Variants in EFCAB7 observed in about 807,000 individuals in gnomAD.
EFCAB7 encodes the protein EF-hand calcium-binding domain-containing protein 7.
Under a neutral mutation model 77.1 loss-of-function variants are expected in EFCAB7, and 66 were observed. The observed-to-expected ratio is 0.86, with a 90% CI of 0.70 to 1.05. EFCAB7 has a LOEUF of 1.05. EFCAB7 is among the 50% of genes least tolerant of loss of function. The probability of loss-of-function intolerance (pLI) is 0.00; values close to 1 mark genes in which losing one functional copy is unlikely to be tolerated. For synonymous variants in EFCAB7, 225 were observed against 243.3 expected, an observed-to-expected ratio of 0.92 and a Z score of 0.70; for missense variants, 638 against 730.5, an observed-to-expected ratio of 0.87 and a Z score of 1.46.
intron 8 of EFCAB7, 92 bp from the exon 9 acceptor site, chr1:63,555,266 G>T: frequency 7.5e-7 from 1 of 1,339,516 alleles, no homozygotes; most frequent in Non-Finnish European, 1.0e-6. Flanking sequence ...CATTTCTAAT[G>T]TGTCCCTTTC....
At chr1:63,567,303 C>T (rs752919069) in intron 11 of EFCAB7, among the ~76,000 whole-genome samples, 1 of 151,904 alleles carries the variant, frequency 6.6e-6, no homozygotes, top group Non-Finnish European at 1.5e-5. Context: ...AAATACAAAA[C>T]TTAGCTGGGT....
intron 11 of EFCAB7, among the ~76,000 whole-genome samples, chr1:63,564,347 G>T (rs1647145173): frequency 6.6e-6 from 1 of 152,258 alleles, no homozygotes; most frequent in South Asian, 2.1e-4. Flanking sequence ...AGTTCTTTTA[G>T]ATGTGATAAG....
At chr1:63,554,708 T>G (rs998920900) in intron 8 of EFCAB7, among the ~76,000 whole-genome samples, 1 of 152,220 alleles carries the variant, frequency 6.6e-6, no homozygotes, top group African/African-American at 2.4e-5. Flanking sequence ...ATGATAAATA[T>G]CCAACATTTG....
At chr1:63,535,883 T>C (rs1323733663) in intron 6 of EFCAB7, among the ~76,000 whole-genome samples, 4 of 152,128 alleles carry the variant, frequency 2.6e-5, no homozygotes, top group Non-Finnish European at 4.4e-5. Context: ...TTGTGTTATA[T>C]ATAGAGACCT....
At position 63,534,136 on chromosome 1, in the gene EFCAB7, A is replaced by G. The variant is rs1299156346; in HGVS notation, c.724A>G (p.Lys242Glu). 6.2e-7 allele frequency: 1 copy of G among 1,613,454 alleles called. No individual in the cohort carries two copies. Among genetic ancestry groups the G allele is most frequent in the Admixed American group, 1.7e-5 (1 of 59,996 alleles). The change falls in exon 6 of 14, where the codon AAA becomes GAA. Residue 242 changes from lysine (K) to glutamate (E), a missense_variant. Transcript: ENST00000371088. ...SSLLSATRKF[K>E]TSVSFTVTMG... ...TTTACTGTCAGCAACCAGGAAGTTC[A>G]AAACATCTGTTTCCTTCACAGTTAC...
In EFCAB7 at chr1:63,557,151, G is replaced by A; in HGVS notation, c.1252G>A (p.Asp418Asn). 1 of 1,600,094 alleles carries A rather than the reference G, an allele frequency of 6.2e-7. No individual in the cohort carries two copies. The highest frequency in any genetic ancestry group is 8.5e-7 in the Non-Finnish European group (1 of 1,174,924). Residue 418 changes from aspartate to asparagine, a missense_variant, in exon 10 of 14, where the codon GAT (aspartate) becomes AAT (asparagine). Asp to Asn is a conservative substitution (Grantham distance 23). Transcript: ENST00000371088. ...LSDIFEVIDLDGNGLLSLEEY... is the reference protein window; with the variant it reads ...LSDIFEVIDLNGNGLLSLEEY... The stretch of plus-strand genomic sequence containing the variant: ...AGATATATTTGAAGTAATTGATTTA[G>A]ATGGAAATGGTCTTCTTAGCCTTGA...
At chr1:63,533,059 TAAA>T (rs1171822653) in intron 4 of EFCAB7, among the ~76,000 whole-genome samples, 1 of 152,028 alleles carries the variant, frequency 6.6e-6, no homozygotes, top group Admixed American at 6.6e-5. Context: ...ATAACCAAGT[TAAA>T]AAACATGTGT....
At chr1:63,559,137 A>C (rs372795598) in intron 10 of EFCAB7, among the ~76,000 whole-genome samples, 3 of 151,992 alleles carry the variant, frequency 2.0e-5, no homozygotes, top group Admixed American at 6.5e-5. Flanking sequence ...CCCCACTTGT[A>C]CTAAAAATAC....
chr1:63,567,037 A>T (rs1479593533), intron 11 of EFCAB7, among the ~76,000 whole-genome samples: 2 of 152,130 alleles, frequency 1.3e-5, no homozygotes, highest in Non-Finnish European at 2.9e-5. Context: ...TACTTATTGA[A>T]TACCTACTAT....
At chr1:63,540,031 A>G (rs1335868723) in intron 6 of EFCAB7, among the ~76,000 whole-genome samples, 3 of 152,114 alleles carry the variant, frequency 2.0e-5, no homozygotes, top group Non-Finnish European at 4.4e-5. Context: ...TTTACAGGGA[A>G]GCTAAATGAA....
chr1:63,573,503 G>T (rs1051183175), downstream of EFCAB7, among the ~76,000 whole-genome samples: 1 of 152,122 alleles, frequency 6.6e-6, no homozygotes, highest in African/African-American at 2.4e-5. Context: ...AAGATTATTT[G>T]TTTACTTTAA....
At chr1:63,567,841 A>T (rs1647187567) in intron 11 of EFCAB7, among the ~76,000 whole-genome samples, 1 of 152,206 alleles carries the variant, frequency 6.6e-6, no homozygotes, top group Non-Finnish European at 1.5e-5. Flanking sequence ...GAATGCAGAA[A>T]ATATTTTTAA....
chr1:63,537,309 A>G (rs904368066), intron 6 of EFCAB7, among the ~76,000 whole-genome samples: 1 of 152,176 alleles, frequency 6.6e-6, no homozygotes, highest in Non-Finnish European at 1.5e-5. Flanking sequence ...TAAACTCCAG[A>G]GATGCAATAC....
rs748675855 is a variant in EFCAB7, at chr1:63,534,057, T to C, written c.683-38T>C. 3.7e-6 allele frequency: 6 copies of C among 1,609,354 alleles called. No homozygotes were observed. The East Asian group carries it at 1.1e-4, about 30-fold the overall frequency. On this transcript the variant is annotated intron_variant, in intron 5 of 13. Coordinates refer to ENST00000371088, the MANE Select transcript of EFCAB7 (RefSeq NM_032437.4). ...TGGAAAAAACTCCTATTGACAACTT[T>C]TCATAATGTCAGACCAAATAATCAT...
intron 7 of EFCAB7, among the ~76,000 whole-genome samples, chr1:63,546,405 C>T (rs1440038204): frequency 1.3e-5 from 2 of 151,696 alleles, no homozygotes; most frequent in Non-Finnish European, 2.9e-5. Flanking sequence ...CCCTCTGTTG[C>T]CCAGGCTGGA....
intron 6 of EFCAB7, among the ~76,000 whole-genome samples, chr1:63,537,631 A>C (rs1398938917): frequency 6.6e-6 from 1 of 152,184 alleles, no homozygotes; most frequent in Non-Finnish European, 1.5e-5. Context: ...ATTTCAGGCC[A>C]CATCAATTTT....
chr1:63,526,976 G>C (rs1646603078), intron 2 of EFCAB7, among the ~76,000 whole-genome samples: 1 of 152,154 alleles, frequency 6.6e-6, no homozygotes, highest in Non-Finnish European at 1.5e-5. Context: ...TGTTGGCCAG[G>C]CTGGTCTCGA....
intron 12 of EFCAB7, chr1:63,569,037 A>G (rs1391291407): frequency 6.6e-6 from 1 of 152,096 alleles, no homozygotes; most frequent in African/African-American, 2.4e-5. Context: ...TATTAATACT[A>G]TTGATATTAC....
Position 63,571,042 on chromosome 1 carries a change from C to A in EFCAB7, c.1729C>A (p.His577Asn). 1 of 1,608,310 alleles carries A rather than the reference C, an allele frequency of 6.2e-7. No homozygotes were observed. Among genetic ancestry groups the A allele is most frequent in the Non-Finnish European group, 8.5e-7 (1 of 1,177,852 alleles). Residue 577 changes from histidine (H) to asparagine (N), a missense_variant, in exon 13 of 14, where the codon CAC (histidine) becomes AAC (asparagine). Coordinates refer to ENST00000371088, the MANE Select transcript of EFCAB7 (RefSeq NM_032437.4). ...ENKSDEKVII[H>N]ISNELSKNCI... is the part of the protein sequence containing the mutation. ...ATAGTCAGATGAGAAAGTGATTATTCACATCAGCAATGAGCTAAGTAAAAA... is the reference window on the plus strand; with the variant it reads ...ATAGTCAGATGAGAAAGTGATTATTAACATCAGCAATGAGCTAAGTAAAAA...
Sources: allele counts gnomAD v4.1 joint callset (sites outside exome capture counted in the v4.1 genomes callset), GRCh38; gene constraint gnomAD v4.1.1; transcripts MANE v1.5; gene names NCBI Gene and HGNC (gene_info 2026-07-23, HGNC 2026-07-21).